Variants in CERS5 observed in about 807,000 individuals in gnomAD.
The protein encoded by CERS5 is LAG1 homolog, ceramide synthase 5.
In CERS5, 37 loss-of-function variants were observed where a neutral mutation model predicts 58.9. The ratio of observed to expected loss-of-function variants is 0.63; its 90% CI spans 0.48 to 0.83. The LOEUF is 0.83. Ranked by LOEUF, CERS5 falls within the 40% of genes least tolerant of loss-of-function variation. The pLI, the probability that CERS5 is intolerant of heterozygous loss-of-function variation, is 0.00. For synonymous variants in CERS5, 147 were observed against 177.8 expected (o/e 0.83, Z 1.38); for missense variants, 398 against 489.3 (o/e 0.81, Z 1.76).
intron 1 of CERS5, among the ~76,000 whole-genome samples, chr12:50,149,981 G>A (rs1937768415): frequency 6.6e-6 from 1 of 152,176 alleles, no homozygotes; most frequent in South Asian, 2.1e-4. Context: ...GACCTCAAGT[G>A]ATCTGCCTGC....
chr12:50,161,784 G>GAAAAAAAA lies in CERS5; in HGVS notation c.197+5309_197+5316dup, dbSNP rs374177550. 2.0e-4 allele frequency among the ~76,000 whole-genome samples: 18 copies of GAAAAAAAA among 90,892 alleles called. 1 individual carries two copies. Among genetic ancestry groups the GAAAAAAAA allele is most frequent in the African/African-American group, 7.4e-4 (16 of 21,682 alleles). The allele number at this position is 90,892 out of a possible 152,430, so 59.6% of individuals were successfully genotyped here. ...AGAGTGAGACTCCGTCTCAAAAAAA[G>GAAAAAAAA]AAAAAAAAAAAAAAAAGCAAAGTTC... On this transcript the variant is annotated intron_variant, in intron 1 of 9. Coordinates refer to ENST00000317551, the MANE Select transcript of CERS5 (RefSeq NM_147190.5).
chr12:50,158,423 T>C (rs1938900933), intron 1 of CERS5, among the ~76,000 whole-genome samples: 1 of 152,214 alleles, frequency 6.6e-6, no homozygotes, highest in Non-Finnish European at 1.5e-5. Flanking sequence ...ACATTTTTCT[T>C]GTCCAACTTC....
intron 8 of CERS5, 45 bp from the exon 9 acceptor site, chr12:50,134,747 G>C: frequency 6.4e-7 from 1 of 1,571,354 alleles, no homozygotes; most frequent in South Asian, 1.2e-5. Flanking sequence ...TCAAAGCTCA[G>C]CAGACAGGGA....
Position 50,148,924 on chromosome 12 carries a change from AAAAATATAT to A in CERS5, c.198-4876_198-4868del, listed in dbSNP as rs1346721044. Among the ~76,000 whole-genome samples, 15 of 87,308 alleles carry A rather than the reference AAAAATATAT, an allele frequency of 1.7e-4. No individual in the cohort carries two copies. The South Asian group carries it at 2.6e-3, about 15-fold the overall frequency. 57.3% of individuals were successfully genotyped at this position (87,308 alleles called of 152,430 possible). ...CATCTCAAAAAAAAAAAAAAAAAAA[AAAAATATAT>A]ATATATATATATATGTGTGTGTGTG... On this transcript the variant is annotated intron_variant, in intron 1 of 9. Coordinates refer to ENST00000317551, the MANE Select transcript of CERS5 (RefSeq NM_147190.5).
rs199600749 is a variant in CERS5 at position 50,167,263 on chromosome 12, A to G, written c.35T>C (p.Leu12Pro). The G allele has an allele frequency of 2.6e-4, 406 of 1,586,910 alleles. 1 individual carries two copies. Among genetic ancestry groups the G allele is most frequent in the Middle Eastern group, 1.0e-3 (6 of 5,922 alleles). ...ATAAQGPLSL[L>P]WGWLWSERFW... ...GCGCTCGCTCCACAGCCAGCCCCAC[A>G]GCAAGCTTAGGGGTCCCTGCGCTGC... is the stretch of plus-strand genomic sequence containing the variant. The change falls in exon 1 of 10, where the codon CTG becomes CCG. Residue 12 changes from leucine to proline, a missense_variant. Physicochemically the swap from Leu to Pro is moderately conservative, Grantham distance 98 (BLOSUM62 -3). Coordinates refer to ENST00000317551, the MANE Select transcript of CERS5 (RefSeq NM_147190.5).
At chr12:50,130,799 C>G (rs1031874506) in intron 9 of CERS5, 105 bp from the exon 10 acceptor site, 8 of 960,398 alleles carry the variant, frequency 8.3e-6, no homozygotes, top group Admixed American at 2.5e-5. Context: ...GGTCTGCTTT[C>G]TGATGACATC....
intron 9 of CERS5, among the ~76,000 whole-genome samples, chr12:50,131,578 GAA>G (rs367907673): frequency 8.8e-5 from 11 of 125,270 alleles, no homozygotes; most frequent in Admixed American, 4.2e-4. Flanking sequence ...AAAAAAAAAA[GAA>G]AAAAAAAAAG....
chr12:50,144,007 G>A lies in CERS5; in HGVS notation c.248C>T (p.Pro83Leu), dbSNP rs948509161. ...ALCIGIEDSGPYQAQPNAILE... is the reference protein window; with the variant it reads ...ALCIGIEDSGLYQAQPNAILE... ...GATGGCATTGGGTTGGGCCTGATAA[G>A]GACCACTGTCCTCGATGCCAATACA... Residue 83 changes from proline to leucine, a missense_variant, in exon 2 of 10, where the codon CCT becomes CTT. Pro to Leu is a moderately conservative substitution (Grantham distance 98). Transcript: ENST00000317551. The A allele has an allele frequency of 6.2e-7, 1 of 1,613,382 alleles. No homozygotes were observed. Among genetic ancestry groups the A allele is most frequent in the Admixed American group, 1.7e-5 (1 of 60,016 alleles).
At chr12:50,140,957 TATA>T (rs1437207504) in intron 4 of CERS5, among the ~76,000 whole-genome samples, 2 of 152,084 alleles carry the variant, frequency 1.3e-5, no homozygotes, top group Non-Finnish European at 2.9e-5. Context: ...GCTTTTTGTC[TATA>T]ATATTTTGAA....
At chr12:50,153,967 A>G (rs1938286969) in intron 1 of CERS5, 1 of 321,788 alleles carries the variant, frequency 3.1e-6, no homozygotes, top group African/African-American at 2.3e-5. Context: ...AACAACAACA[A>G]CAAAACACAA....
chr12:50,161,579 C>T (rs1264424373), intron 1 of CERS5, among the ~76,000 whole-genome samples: 1 of 151,888 alleles, frequency 6.6e-6, no homozygotes, highest in African/African-American at 2.4e-5. Context: ...GAGTTCAAGA[C>T]CGGCCTGGCC....
chr12:50,156,003 G>C (rs1938554795), intron 1 of CERS5, among the ~76,000 whole-genome samples: 1 of 150,224 alleles, frequency 6.7e-6, no homozygotes, highest in African/African-American at 2.5e-5. Flanking sequence ...CGGAGGCTGA[G>C]GCAGGAGAAC....
In CERS5 at chr12:50,130,503, C is replaced by T; in HGVS notation, c.*42G>A. ...GCCAAGAGGAGTATGTTGCCAGTGG[C>T]CCTACAAGTCCATGTGTGCTGAAGT... On this transcript the variant is annotated 3_prime_UTR_variant, in exon 10 of 10. Coordinates refer to ENST00000317551, the MANE Select transcript of CERS5 (RefSeq NM_147190.5). 1.3e-6 allele frequency: 2 copies of T among 1,504,252 alleles called. No individual in the cohort carries two copies. The highest frequency in any genetic ancestry group is 1.4e-5 in the African/African-American group (1 of 72,872). The allele number at this position is 1,504,252 out of a possible 1,614,324, so 93.2% of individuals were successfully genotyped here.
intron 1 of CERS5, among the ~76,000 whole-genome samples, chr12:50,155,705 C>G (rs1181735678): frequency 7.8e-6 from 1 of 128,628 alleles, no homozygotes; most frequent in South Asian, 2.5e-4. Context: ...CCACTGCACT[C>G]CAGCCTGGGC....
chr12:50,138,662 C>T (rs1238052845), intron 4 of CERS5, 45 bp from the exon 5 acceptor site: 1 of 1,546,784 alleles, frequency 6.5e-7, no homozygotes, highest in Admixed American at 1.7e-5. Context: ...AGATTCTCAC[C>T]TGGCTTCAAG....
rs1331862853 is a variant in CERS5 at position 50,129,968 on chromosome 12, T to G, written c.*577A>C. The G allele has an allele frequency of 6.6e-6, 1 of 152,226 alleles. No homozygotes were observed. Among genetic ancestry groups the G allele is most frequent in the Non-Finnish European group, 1.5e-5 (1 of 68,022 alleles). The allele number at this position is 152,226 out of a possible 1,614,324, so 9.4% of individuals were successfully genotyped here. A position where few individuals can be genotyped will look rare whatever the true frequency, so the allele number is the denominator to read the frequency against. Reference sequence around the variant, plus strand: ...GGCAGCTGTCCCTGTTGCTATCAGGTGATTGATAGGAAGGGGATCTAGCTA... The same window carrying G: ...GGCAGCTGTCCCTGTTGCTATCAGGGGATTGATAGGAAGGGGATCTAGCTA... On this transcript the variant is annotated 3_prime_UTR_variant, in exon 10 of 10. Coordinates refer to ENST00000317551, the MANE Select transcript of CERS5 (RefSeq NM_147190.5).
At chr12:50,135,446 G>A (rs1951636201) in intron 8 of CERS5, 6 of 634,784 alleles carry the variant, frequency 9.5e-6, no homozygotes, top group Non-Finnish European at 1.5e-5. Flanking sequence ...GGCATAAAAT[G>A]AGGACTGTTC....
At chr12:50,153,269 ATTTTTTT>A (rs202197775) in intron 1 of CERS5, among the ~76,000 whole-genome samples, 13 of 93,434 alleles carry the variant, frequency 1.4e-4, no homozygotes, top group Non-Finnish European at 2.5e-4. Context: ...AACTAATATG[ATTTTTTT>A]TTTTTTTTTT....
Position 50,131,667 on chromosome 12 carries a change from T to C in CERS5, c.1030-973A>G, listed in dbSNP as rs931368801. 2.0e-5 allele frequency among the ~76,000 whole-genome samples: 3 copies of C among 152,142 alleles called. No homozygotes were observed. In the South Asian group the frequency reaches 6.2e-4, roughly 32 times the overall value. On this transcript the variant is annotated intron_variant, in intron 9 of 9. Coordinates refer to ENST00000317551, the MANE Select transcript of CERS5 (RefSeq NM_147190.5). Reference sequence around the variant, plus strand: ...GCAGTCAATGAGAAAAGAATCCCAGTTCTAATCATGCTACCATCTGTGAAT... The same window carrying C: ...GCAGTCAATGAGAAAAGAATCCCAGCTCTAATCATGCTACCATCTGTGAAT...
Sources: gnomAD v4.1 joint callset for allele counts (sites outside exome capture counted in the v4.1 genomes callset) on GRCh38, gnomAD v4.1.1 for gene constraint, MANE v1.5 for transcripts, NCBI Gene and HGNC (gene_info 2026-07-23, HGNC 2026-07-21) for gene names.